Variants in NLGN1 observed in about 807,000 individuals in gnomAD.
NLGN1 encodes neuroligin-1.
In NLGN1, 12 loss-of-function variants were observed where a neutral mutation model predicts 65.5. The observed-to-expected ratio is 0.18, with a 90% CI of 0.12 to 0.30. The LOEUF (loss-of-function observed/expected upper bound fraction) is 0.30, where lower values mean the gene tolerates loss of function less well. Ranked by LOEUF, NLGN1 falls within the 10% of genes least tolerant of loss-of-function variation. The pLI is 1.00. For missense variants in NLGN1, 750 were observed against 1,007.1 expected, an observed-to-expected ratio of 0.74 and a Z score of 3.46; for synonymous variants, 350 against 359.5, an observed-to-expected ratio of 0.97 and a Z score of 0.30.
intron 3 of NLGN1, among the ~76,000 whole-genome samples, chr3:173,611,639 T>C (rs1215626617): frequency 6.6e-6 from 1 of 152,056 alleles, no homozygotes; most frequent in Non-Finnish European, 1.5e-5. Flanking sequence ...TTCTAAAAGC[T>C]AAACAGTGTA....
At chr3:173,463,974 A>G (rs1426962191) in intron 2 of NLGN1, among the ~76,000 whole-genome samples, 1 of 152,016 alleles carries the variant, frequency 6.6e-6, no homozygotes, top group Non-Finnish European at 1.5e-5. Flanking sequence ...ATTATGGTAA[A>G]TATCCATAGA....
chr3:173,458,120 C>G (rs1372363750), intron 2 of NLGN1, among the ~76,000 whole-genome samples: 1 of 151,820 alleles, frequency 6.6e-6, no homozygotes, highest in Non-Finnish European at 1.5e-5. Context: ...AGGACTGAGG[C>G]CCCAGGTCTG....
chr3:173,670,530 C>A (rs201983672), intron 3 of NLGN1, among the ~76,000 whole-genome samples: 1 of 151,870 alleles, frequency 6.6e-6, no homozygotes, highest in Non-Finnish European at 1.5e-5. Context: ...GGTTTTTTTT[C>A]AGAAGTTCTA....
intron 4 of NLGN1, among the ~76,000 whole-genome samples, chr3:173,940,572 A>G (rs755502770): frequency 1.3e-4 from 20 of 152,218 alleles, no homozygotes; most frequent in Admixed American, 9.8e-4. Context: ...TGTCCTGAAC[A>G]AATTCAATTT....
intron 3 of NLGN1, among the ~76,000 whole-genome samples, chr3:173,637,579 G>T (rs1441311441): frequency 6.6e-6 from 1 of 152,204 alleles, no homozygotes; most frequent in African/African-American, 2.4e-5. Flanking sequence ...AATTTGATTT[G>T]TATGACTCTT....
At chr3:173,652,101 C>T (rs1348485205) in intron 3 of NLGN1, among the ~76,000 whole-genome samples, 1 of 152,026 alleles carries the variant, frequency 6.6e-6, no homozygotes, top group Admixed American at 6.6e-5. Flanking sequence ...GCCCCTTTGC[C>T]CACTTTTTAA....
At chr3:173,756,514 ATAT>A (rs1452015115) in intron 3 of NLGN1, among the ~76,000 whole-genome samples, 2 of 151,776 alleles carry the variant, frequency 1.3e-5, no homozygotes, top group African/African-American at 2.4e-5. Context: ...GTGTAGATAT[ATAT>A]ATGCAATATG....
At chr3:173,682,416 C>T (rs897353867) in intron 3 of NLGN1, among the ~76,000 whole-genome samples, 2 of 151,458 alleles carry the variant, frequency 1.3e-5, no homozygotes, top group African/African-American at 2.4e-5. Flanking sequence ...GGTGAAACCC[C>T]ATCTGTACTA....
At chr3:174,081,094 T>C (rs1742092978) in intron 4 of NLGN1, among the ~76,000 whole-genome samples, 1 of 152,094 alleles carries the variant, frequency 6.6e-6, no homozygotes, top group Non-Finnish European at 1.5e-5. Context: ...TGTTCATCAG[T>C]GGATAAGTTG....
chr3:173,785,125 T>C (rs1217728358), intron 3 of NLGN1, among the ~76,000 whole-genome samples: 3 of 152,218 alleles, frequency 2.0e-5, no homozygotes, highest in African/African-American at 7.2e-5. Flanking sequence ...TATTTCTGGC[T>C]ATAATAATAG....
intron 2 of NLGN1, among the ~76,000 whole-genome samples, chr3:173,603,078 AT>A (rs976247895): frequency 5.9e-5 from 9 of 152,130 alleles, no homozygotes; most frequent in African/African-American, 2.2e-4. Flanking sequence ...AGTTTTTACA[AT>A]CTCCTTTTAA....
intron 4 of NLGN1, among the ~76,000 whole-genome samples, chr3:173,821,683 G>A (rs1217727347): frequency 2.0e-5 from 3 of 151,892 alleles, no homozygotes; most frequent in Non-Finnish European, 2.9e-5. Flanking sequence ...TTATTTTTTG[G>A]AAGAACATGT....
At chr3:174,095,919 G>A (rs1745429397) in intron 4 of NLGN1, among the ~76,000 whole-genome samples, 1 of 152,016 alleles carries the variant, frequency 6.6e-6, no homozygotes, top group Non-Finnish European at 1.5e-5. Flanking sequence ...AGAATAGCTT[G>A]AACCCAGGAG....
intron 2 of NLGN1, among the ~76,000 whole-genome samples, chr3:173,583,875 T>TAC (rs1280024132): frequency 7.2e-5 from 11 of 152,154 alleles, no homozygotes; most frequent in South Asian, 2.1e-4. Context: ...TATCTAAGAA[T>TAC]ACACACACAC....
intron 4 of NLGN1, among the ~76,000 whole-genome samples, chr3:173,838,317 T>C (rs542741591): frequency 5.3e-5 from 8 of 152,310 alleles, no homozygotes; most frequent in African/African-American, 1.9e-4. Context: ...AAAATAGATA[T>C]GATAACCAAA....
chr3:173,684,060 A>G (rs1238566826), intron 3 of NLGN1, among the ~76,000 whole-genome samples: 2 of 152,060 alleles, frequency 1.3e-5, no homozygotes, highest in Non-Finnish European at 2.9e-5. Context: ...CAGTAAACAA[A>G]AGTATATTGT....
At chr3:174,026,098 A>C (rs1435156343) in intron 4 of NLGN1, among the ~76,000 whole-genome samples, 1 of 152,116 alleles carries the variant, frequency 6.6e-6, no homozygotes, top group African/African-American at 2.4e-5. Flanking sequence ...GAATTTAAAA[A>C]ATTAATGTAG....
intron 4 of NLGN1, among the ~76,000 whole-genome samples, chr3:174,188,066 T>A (rs1393637872): frequency 6.6e-6 from 1 of 150,988 alleles, no homozygotes; most frequent in Non-Finnish European, 1.5e-5. Flanking sequence ...AAATAGCTAC[T>A]TGAGTTCTAC....
intron 1 of NLGN1, among the ~76,000 whole-genome samples, chr3:173,403,980 A>G (rs1005128987): frequency 6.6e-6 from 1 of 152,104 alleles, no homozygotes; most frequent in Non-Finnish European, 1.5e-5. Flanking sequence ...TAGGTACAAT[A>G]TGGTGCAATA....
Sources: allele counts gnomAD v4.1 joint callset (sites outside exome capture counted in the v4.1 genomes callset), GRCh38; gene constraint gnomAD v4.1.1; transcripts MANE v1.5; gene names NCBI Gene and HGNC (gene_info 2026-07-23, HGNC 2026-07-21).